AVEN: variants seen among roughly 807,000 people sequenced by gnomAD.
AVEN encodes the protein apoptosis and caspase activation inhibitor, also known as cell death regulator Aven.
AVEN carries 41 observed loss-of-function variants against 38.1 expected under a neutral mutation model. The observed-to-expected ratio is 1.08, with a 90% CI of 0.84 to 1.40. AVEN has a LOEUF of 1.40. Ranked by LOEUF, AVEN falls within the 40% of genes most tolerant of loss-of-function variation. The probability of loss-of-function intolerance (pLI) is 0.00; values close to 1 mark genes in which losing one functional copy is unlikely to be tolerated. For missense variants in AVEN, 605 were observed against 438.8 expected (o/e 1.38, Z -3.38); for synonymous variants, 206 against 171.8 (o/e 1.20, Z -1.56).
chr15:33,967,307 A>G (rs1256670181), intron 2 of AVEN, among the ~76,000 whole-genome samples: 2 of 152,114 alleles, frequency 1.3e-5, no homozygotes, highest in Admixed American at 6.5e-5. Flanking sequence ...AAACCTACAT[A>G]AAGACATAGT....
At chr15:33,862,320 C>T (rs550718232), downstream of AVEN, among the ~76,000 whole-genome samples, 35 of 152,216 alleles carry the variant, frequency 2.3e-4, 1 homozygote, top group South Asian at 1.5e-3. Flanking sequence ...TCAAGACATC[C>T]GCCTCAGCCT....
upstream of AVEN, among the ~76,000 whole-genome samples, chr15:34,040,071 G>A (rs534312087): frequency 1.2e-3 from 186 of 152,192 alleles, no homozygotes; most frequent in African/African-American, 4.3e-3. Context: ...GTACTTTCTG[G>A]TTCTTTCCTA....
At chr15:33,859,742 C>T (rs1237395638) in intron 11 of AVEN, 7 of 1,600,712 alleles carry the variant, frequency 4.4e-6, no homozygotes, top group East Asian at 2.2e-5. Context: ...GTATGATTGC[C>T]AATTGTGTTG....
At position 33,890,499 on chromosome 15, in the gene AVEN, A is replaced by G. The variant is rs184459979; in HGVS notation, c.446-14504T>C. Among the ~76,000 whole-genome samples, 58 of 152,324 alleles carry G rather than the reference A, an allele frequency of 3.8e-4. No individual in the cohort carries two copies. The East Asian group carries it at 9.1e-3, about 24-fold the overall frequency. ...TCTATGTGCCATAAAGGGGATAAGG[A>G]AACAGAGAAATAAGGGGGGAAATCA... On this transcript the variant is annotated intron_variant, in intron 2 of 5. Transcript: ENST00000306730.
Position 33,867,582 on chromosome 15 carries a change from T to G in AVEN, c.886A>C (p.Ile296Leu). Residue 296 changes from isoleucine to leucine, a missense_variant, in exon 5 of 6, where the codon ATA (isoleucine) becomes CTA (leucine). Coordinates refer to ENST00000306730, the MANE Select transcript of AVEN (RefSeq NM_020371.3). Reference protein sequence around the residue: ...LDLLLNLDAPIKEGDNILPDQ... With the variant: ...LDLLLNLDAPLKEGDNILPDQ... Reference sequence around the variant, plus strand: ...GGTAAGATGTTATCTCCCTCTTTTATAGGTGCATCTAAATTAAGCAACAGA... The same window carrying G: ...GGTAAGATGTTATCTCCCTCTTTTAGAGGTGCATCTAAATTAAGCAACAGA... 1 of 1,614,236 alleles carries G rather than the reference T, an allele frequency of 6.2e-7. No individual in the cohort carries two copies. The highest frequency in any genetic ancestry group is 1.3e-5 in the African/African-American group (1 of 75,072).
chr15:33,923,296 A>G (rs898696364), intron 2 of AVEN, among the ~76,000 whole-genome samples: 1 of 152,228 alleles, frequency 6.6e-6, no homozygotes, highest in African/African-American at 2.4e-5. Context: ...TCCTTGAAAC[A>G]TATGTTTAAC....
intron 2 of AVEN, among the ~76,000 whole-genome samples, chr15:33,889,199 A>C (rs1465656183): frequency 1.3e-5 from 2 of 152,214 alleles, no homozygotes; most frequent in African/African-American, 4.8e-5. Context: ...AAATCATAAA[A>C]ATGGGCATCT....
At chr15:33,898,767 C>CA (rs1391229650) in intron 2 of AVEN, among the ~76,000 whole-genome samples, 2 of 152,092 alleles carry the variant, frequency 1.3e-5, no homozygotes, top group Non-Finnish European at 2.9e-5. Context: ...CCACAACACA[C>CA]AAAAATAGCT....
chr15:33,940,081 G>A (rs575846369), intron 2 of AVEN, among the ~76,000 whole-genome samples: 9 of 152,224 alleles, frequency 5.9e-5, no homozygotes, highest in African/African-American at 1.4e-4. Context: ...GGAATCTGCC[G>A]GTGCCTTCAT....
chr15:33,893,029 T>C (rs1047642423), intron 2 of AVEN, among the ~76,000 whole-genome samples: 2 of 152,166 alleles, frequency 1.3e-5, no homozygotes, highest in South Asian at 2.1e-4. Flanking sequence ...CTGTCTGTTA[T>C]TGGTATATAG....
intron 2 of AVEN, among the ~76,000 whole-genome samples, chr15:33,966,037 C>G (rs1253151381): frequency 6.6e-6 from 1 of 152,138 alleles, no homozygotes. Flanking sequence ...GTACTTAAGT[C>G]AATGTTTTTC....
At chr15:33,891,007 G>A (rs1319675334) in intron 2 of AVEN, among the ~76,000 whole-genome samples, 1 of 152,108 alleles carries the variant, frequency 6.6e-6, no homozygotes, top group Non-Finnish European at 1.5e-5. Flanking sequence ...TACTTGAGAG[G>A]CTGAGATGAG....
intron 2 of AVEN, among the ~76,000 whole-genome samples, chr15:34,067,935 C>T (rs1398149712): frequency 6.6e-6 from 1 of 151,752 alleles, no homozygotes; most frequent in Non-Finnish European, 1.5e-5. Flanking sequence ...CGAGAGTGAG[C>T]GGAAGAAGGG....
chr15:34,004,235 T>C (rs1897245226), intron 1 of AVEN, among the ~76,000 whole-genome samples: 2 of 152,226 alleles, frequency 1.3e-5, no homozygotes, highest in Non-Finnish European at 2.9e-5. Context: ...GATTTTTAAA[T>C]AGGAACCCTG....
At position 33,986,127 on chromosome 15, in the gene AVEN, G is replaced by T. The variant is rs1896449172; in HGVS notation, c.445+16905C>A. ...TTGTTTTTTGTTTTTTGTTTTTTGA[G>T]ATGGACTCTCGCTCTGTCGCCCAGG... is the stretch of plus-strand genomic sequence containing the variant. On this transcript the variant is annotated intron_variant, in intron 2 of 5. Coordinates refer to ENST00000306730, the MANE Select transcript of AVEN (RefSeq NM_020371.3). Among the ~76,000 whole-genome samples, 3 of 149,202 alleles carry T rather than the reference G, an allele frequency of 2.0e-5. No individual in the cohort carries two copies. The South Asian group carries it at 6.4e-4, about 32-fold the overall frequency.
intron 2 of AVEN, among the ~76,000 whole-genome samples, chr15:33,997,225 A>T (rs1896970961): frequency 1.3e-5 from 2 of 152,234 alleles, no homozygotes. Context: ...CAATGCACTG[A>T]AAGACACACT....
At chr15:33,943,823 TAAAAAAAAA>T (rs71119905) in intron 2 of AVEN, among the ~76,000 whole-genome samples, 4 of 88,864 alleles carry the variant, frequency 4.5e-5, no homozygotes, top group East Asian at 3.7e-4. Context: ...ACTCCGTCTT[TAAAAAAAAA>T]AAAAAAAAAA....
At chr15:33,857,629 T>G (rs2153007658), downstream of AVEN, 1 of 871,970 alleles carries the variant, frequency 1.1e-6, no homozygotes, top group Middle Eastern at 2.3e-4. Flanking sequence ...GCTCATGGCC[T>G]GATAGCTTTC....
chr15:33,855,795 A>T (rs928140722), downstream of AVEN: 1 of 152,204 alleles, frequency 6.6e-6, no homozygotes. Flanking sequence ...GACTCTGACA[A>T]TATATGGAAG....
Sources: allele counts gnomAD v4.1 joint callset (sites outside exome capture counted in the v4.1 genomes callset), GRCh38; gene constraint gnomAD v4.1.1; transcripts MANE v1.5; gene names NCBI Gene and HGNC (gene_info 2026-07-23, HGNC 2026-07-21).